Variants in CNTN4 observed in about 807,000 individuals in gnomAD.
CNTN4 encodes contactin-4.
CNTN4 carries 77 observed loss-of-function variants against 122.5 expected under a neutral mutation model. That is an observed-to-expected ratio of 0.63 (90% confidence interval 0.52 to 0.76). The LOEUF is 0.76. CNTN4 is among the 30% of genes least tolerant of loss of function. The pLI is 0.00. For synonymous variants in CNTN4, 512 were observed against 447.0 expected (o/e 1.15, Z -1.83); for missense variants, 1,256 against 1,259.1 (o/e 1.00, Z 0.04).
At chr3:2,789,123 A>G (rs963855269) in intron 6 of CNTN4, among the ~76,000 whole-genome samples, 1 of 152,188 alleles carries the variant, frequency 6.6e-6, no homozygotes, top group Non-Finnish European at 1.5e-5. Flanking sequence ...CGGGAGCCCT[A>G]GGAATTTGCC....
At chr3:2,396,656 G>GTTTTTT (rs752074730) in intron 3 of CNTN4, among the ~76,000 whole-genome samples, 20,086 of 144,822 alleles carry the variant, frequency 0.14, 1,765 homozygotes, top group Middle Eastern at 0.23. Context: ...TTATGTCTGG[G>GTTTTTT]TTTTTTTTTT....
At chr3:2,979,573 T>C (rs1449408099) in intron 13 of CNTN4, among the ~76,000 whole-genome samples, 1 of 152,088 alleles carries the variant, frequency 6.6e-6, no homozygotes, top group African/African-American at 2.4e-5. Context: ...GAACCAATCA[T>C]GTATAAAAGA....
intron 3 of CNTN4, among the ~76,000 whole-genome samples, chr3:2,540,168 A>G (rs1401638485): frequency 6.6e-6 from 1 of 152,064 alleles, no homozygotes; most frequent in Non-Finnish European, 1.5e-5. Context: ...ATCCATAGAA[A>G]CAATCATAAA....
intron 12 of CNTN4, among the ~76,000 whole-genome samples, chr3:2,904,023 T>TA (rs902075800): frequency 9.4e-5 from 14 of 148,574 alleles, no homozygotes; most frequent in African/African-American, 2.2e-4. Context: ...CTATGGACGT[T>TA]AAAAAAAAAA....
At position 2,724,864 on chromosome 3, in the gene CNTN4, C is replaced by T. The variant is rs979572799; in HGVS notation, c.56-11351C>T. Among the ~76,000 whole-genome samples the T allele has an allele frequency of 3.3e-5, 5 of 151,932 alleles. No homozygotes were observed. The South Asian group carries it at 8.3e-4, about 25-fold the overall frequency. On this transcript the variant is annotated intron_variant, in intron 4 of 24. Transcript: ENST00000418658. ...GAAAGGGCAACCTCTCCACTTTGGT[C>T]GTACTTTTGTTTAGATGAGAAGGAG...
At chr3:3,019,974 T>A (rs1004748348) in intron 14 of CNTN4, among the ~76,000 whole-genome samples, 1 of 152,042 alleles carries the variant, frequency 6.6e-6, no homozygotes, top group Non-Finnish European at 1.5e-5. Context: ...CAAAATAAAT[T>A]ACTTTTTAAA....
chr3:2,170,695 C>G (rs1030603136), intron 2 of CNTN4, among the ~76,000 whole-genome samples: 1 of 151,832 alleles, frequency 6.6e-6, no homozygotes, highest in Admixed American at 6.6e-5. Context: ...GTGAACAGAG[C>G]CTTTTGGAAG....
At chr3:2,889,892 A>G (rs1376264591) in intron 10 of CNTN4, among the ~76,000 whole-genome samples, 1 of 152,214 alleles carries the variant, frequency 6.6e-6, no homozygotes, top group Non-Finnish European at 1.5e-5. Flanking sequence ...TGGAAAATCA[A>G]CTTTGTCACT....
chr3:2,910,773 T>C (rs2094291054), intron 12 of CNTN4, among the ~76,000 whole-genome samples: 1 of 152,192 alleles, frequency 6.6e-6, no homozygotes, highest in Non-Finnish European at 1.5e-5. Flanking sequence ...GGGAGCCTAA[T>C]CTAAGGAGTA....
intron 3 of CNTN4, among the ~76,000 whole-genome samples, chr3:2,371,260 G>A (rs1199254953): frequency 6.6e-6 from 1 of 152,094 alleles, no homozygotes; most frequent in Non-Finnish European, 1.5e-5. Flanking sequence ...TCTTTTTGTG[G>A]CTCATACATG....
At chr3:2,401,581 A>G (rs2046861257) in intron 3 of CNTN4, among the ~76,000 whole-genome samples, 1 of 152,096 alleles carries the variant, frequency 6.6e-6, no homozygotes, top group Non-Finnish European at 1.5e-5. Context: ...TGGCTTTTCT[A>G]GTTTTCTCAA....
chr3:2,563,403 GT>G (rs936342735), intron 3 of CNTN4, among the ~76,000 whole-genome samples: 2 of 151,902 alleles, frequency 1.3e-5, no homozygotes, highest in Non-Finnish European at 2.9e-5. Context: ...TACCTTCAAG[GT>G]TTTTTTAAAG....
In CNTN4 at chr3:2,709,897, C is replaced by G. The variant is rs1041482878; in HGVS notation, c.56-26318C>G. Among the ~76,000 whole-genome samples the G allele has an allele frequency of 6.6e-6, 1 of 151,616 alleles. No homozygotes were observed. Among genetic ancestry groups the G allele is most frequent in the African/African-American group, 2.4e-5 (1 of 41,322 alleles). Reference sequence around the variant, plus strand: ...CCTGGGTGACAGGGCAAGACCCTGTCTCAAACATATAAATACAAAAAAAAA... The same window carrying G: ...CCTGGGTGACAGGGCAAGACCCTGTGTCAAACATATAAATACAAAAAAAAA... On this transcript the variant is annotated intron_variant, in intron 4 of 24. Transcript: ENST00000418658. This position sits in a 1 kb window ranked among gnomAD's most constrained non-coding sequence, Gnocchi z 5.0.
At chr3:2,981,901 C>G (rs1291875583) in intron 13 of CNTN4, among the ~76,000 whole-genome samples, 1 of 151,898 alleles carries the variant, frequency 6.6e-6, no homozygotes, top group Non-Finnish European at 1.5e-5. Flanking sequence ...AAAATATTAG[C>G]TAGACGTGGG....
chr3:2,661,365 A>G (rs2083882117), intron 4 of CNTN4, among the ~76,000 whole-genome samples: 1 of 152,172 alleles, frequency 6.6e-6, no homozygotes, highest in African/African-American at 2.4e-5. Flanking sequence ...TAGGACTGAA[A>G]TAAAACATTT....
chr3:2,243,746 A>G (rs759077319), intron 2 of CNTN4, among the ~76,000 whole-genome samples: 1 of 152,080 alleles, frequency 6.6e-6, no homozygotes, highest in Non-Finnish European at 1.5e-5. Flanking sequence ...TGAGATTTCT[A>G]CATGCATTAT....
In CNTN4 at chr3:2,875,267, G is replaced by A. The variant is rs1295346650; in HGVS notation, c.653-7878G>A. ...CAAACTGCTGGGATTACAGATGTGAGCTACCATGCCCGGACAGTTGTATCT... is the reference window on the plus strand; with the variant it reads ...CAAACTGCTGGGATTACAGATGTGAACTACCATGCCCGGACAGTTGTATCT... On this transcript the variant is annotated intron_variant, in intron 8 of 24. Coordinates refer to ENST00000418658, the MANE Select transcript of CNTN4 (RefSeq NM_175607.3). 2.0e-5 allele frequency among the ~76,000 whole-genome samples: 3 copies of A among 152,274 alleles called. No individual in the cohort carries two copies. The East Asian group carries it at 5.8e-4, about 29-fold the overall frequency.
intron 7 of CNTN4, among the ~76,000 whole-genome samples, chr3:2,848,057 G>C (rs1252105206): frequency 6.6e-6 from 1 of 152,072 alleles, no homozygotes; most frequent in African/African-American, 2.4e-5. Context: ...CCAGGAGCCT[G>C]GTCAACATAG....
chr3:2,377,099 T>A (rs1003752448), intron 3 of CNTN4, among the ~76,000 whole-genome samples: 2 of 148,734 alleles, frequency 1.3e-5, no homozygotes, highest in Non-Finnish European at 3.0e-5. Context: ...GAGGTTGCAG[T>A]GAGCCGAGAT....
Sources: allele counts gnomAD v4.1 joint callset (sites outside exome capture counted in the v4.1 genomes callset), GRCh38; gene constraint gnomAD v4.1.1; non-coding constraint Gnocchi (gnomAD v3.1); transcripts MANE v1.5; gene names NCBI Gene and HGNC (gene_info 2026-07-23, HGNC 2026-07-21).